Variants in F8 observed in about 807,000 individuals in gnomAD.
The protein encoded by F8 is coagulation factor VIII.
F8 carries 12 observed loss-of-function variants against 140.6 expected under a neutral mutation model. The ratio of observed to expected loss-of-function variants is 0.09; its 90% CI spans 0.05 to 0.14. The LOEUF (loss-of-function observed/expected upper bound fraction) is 0.14, where lower values mean the gene tolerates loss of function less well. F8 is among the 10% of genes least tolerant of loss of function. F8 has a pLI of 1.00. For synonymous variants in F8, 585 were observed against 614.6 expected (o/e 0.95, Z 0.71); for missense variants, 1,354 against 1,720.7 (o/e 0.79, Z 3.77).
chrX:154,926,814 G>A (rs1649428250), intron 14 of F8, among the ~76,000 whole-genome samples: 1 of 111,883 alleles, frequency 8.9e-6, no homozygotes. Flanking sequence ...AGAGATCTGA[G>A]AATATCTCCA....
At chrX:154,932,464 T>C (rs1390952038) in intron 13 of F8, among the ~76,000 whole-genome samples, 4 of 111,894 alleles carry the variant, frequency 3.6e-5, no homozygotes, top group Non-Finnish European at 7.5e-5. Flanking sequence ...AAGCTACCCG[T>C]TGGGTACCTC....
intron 13 of F8, among the ~76,000 whole-genome samples, chrX:154,942,436 C>G (rs868980566): frequency 4.9e-4 from 53 of 108,784 alleles, no homozygotes; most frequent in South Asian, 8.0e-4. Context: ...ATAAATTCCT[C>G]GACACATACA....
chrX:155,017,655 A>G (rs928377011), intron 1 of F8, among the ~76,000 whole-genome samples: 1 of 111,620 alleles, frequency 9.0e-6, no homozygotes, highest in South Asian at 3.8e-4. Flanking sequence ...TTATTTGTCA[A>G]TTATACCACA....
At chrX:154,945,058 T>C (rs1207933005) in intron 13 of F8, among the ~76,000 whole-genome samples, 2 of 110,213 alleles carry the variant, frequency 1.8e-5, no homozygotes, top group African/African-American at 6.6e-5. Context: ...TTAGGCGATA[T>C]ACCTAATGCT....
chrX:155,015,116 T>C (rs1308035439), intron 1 of F8, among the ~76,000 whole-genome samples: 1 of 112,271 alleles, frequency 8.9e-6, no homozygotes. Flanking sequence ...CAGATTTGCC[T>C]ATATACAGTC....
chrX:154,837,568 G>A lies in F8; in HGVS notation c.*29C>T, dbSNP rs5986887. Reference sequence around the variant, plus strand: ...CTGGAGCTGAGGAGGGAGAGGTGACGGCAGTGGCAGGTGCTGCAGTGGCCA... The same window carrying A: ...CTGGAGCTGAGGAGGGAGAGGTGACAGCAGTGGCAGGTGCTGCAGTGGCCA... On this transcript the variant is annotated 3_prime_UTR_variant, in exon 26 of 26. Transcript: ENST00000360256. 2,780 of 1,179,639 alleles carry A rather than the reference G, an allele frequency of 2.4e-3. 36 individuals carry two copies. The African/African-American group carries it at 0.045, about 19-fold the overall frequency.
intron 14 of F8, among the ~76,000 whole-genome samples, chrX:154,926,471 G>T (rs1298836439): frequency 8.9e-6 from 1 of 111,830 alleles, no homozygotes; most frequent in African/African-American, 3.3e-5. Flanking sequence ...CGTCTCCCCA[G>T]TTCAAGCGAT....
At chrX:154,875,660 C>G (rs28409705) in intron 22 of F8, among the ~76,000 whole-genome samples, 1,372 of 110,990 alleles carry the variant, frequency 0.012, 23 homozygotes, top group African/African-American at 0.043. Flanking sequence ...GCAGAGGACA[C>G]AGTCAGCTGT....
intron 25 of F8, among the ~76,000 whole-genome samples, chrX:154,853,815 T>C (rs2072632736): frequency 8.9e-6 from 1 of 111,980 alleles, no homozygotes; most frequent in Non-Finnish European, 1.9e-5. Context: ...TATTTTAAAA[T>C]AGAAGTTTGT....
chrX:154,957,367 T>G (rs1265769449), intron 10 of F8, among the ~76,000 whole-genome samples, 196 bp from the exon 11 acceptor site: 1 of 111,805 alleles, frequency 8.9e-6, no homozygotes, highest in African/African-American at 3.3e-5. Context: ...TGTAATTGAT[T>G]ATCCGGTTGA....
chrX:154,945,076 G>A (rs1235526707), intron 13 of F8, among the ~76,000 whole-genome samples: 1 of 110,095 alleles, frequency 9.1e-6, no homozygotes, highest in African/African-American at 3.3e-5. Flanking sequence ...GCTAAATGAC[G>A]AGTTAATGGG....
intron 1 of F8, among the ~76,000 whole-genome samples, chrX:155,003,427 G>GAA (rs781990590): frequency 1.4e-4 from 12 of 87,140 alleles, no homozygotes; most frequent in African/African-American, 4.2e-4. Context: ...AAAAAAGACT[G>GAA]AAAAAAAAAA....
chrX:154,905,704 T>A (rs2073034825), intron 15 of F8, among the ~76,000 whole-genome samples: 1 of 111,535 alleles, frequency 9.0e-6, no homozygotes, highest in Non-Finnish European at 1.9e-5. Flanking sequence ...TTTTAAAAAA[T>A]CTCTGGATAG....
chrX:155,003,271 G>T (rs2073657474), intron 1 of F8, among the ~76,000 whole-genome samples: 1 of 111,510 alleles, frequency 9.0e-6, no homozygotes, highest in African/African-American at 3.3e-5. Context: ...GAATAAAAAA[G>T]AAATGCTAGA....
At chrX:154,912,116 T>C (rs1409068971) in intron 14 of F8, among the ~76,000 whole-genome samples, 1 of 112,385 alleles carries the variant, frequency 8.9e-6, no homozygotes, top group African/African-American at 3.2e-5. Context: ...CTCAGTTGTA[T>C]AGTTTGCAAA....
intron 22 of F8, among the ~76,000 whole-genome samples, chrX:154,877,826 T>C (rs1183633263): frequency 1.8e-5 from 2 of 112,220 alleles, no homozygotes; most frequent in African/African-American, 6.5e-5. Flanking sequence ...ACTAATACCC[T>C]GTATACATTG....
Position 154,866,908 on chromosome X carries a change from C to A in F8, c.6430-3681G>T, listed in dbSNP as rs187974956. Among the ~76,000 whole-genome samples, 4 of 110,110 alleles carry A rather than the reference C, an allele frequency of 3.6e-5. No individual in the cohort carries two copies. The East Asian group carries it at 1.1e-3, about 31-fold the overall frequency. ...AAACAATTGGAAATAACTGACAAAACTAAGAGTTGATTTTTTTGAAAAAAT... is the reference window on the plus strand; with the variant it reads ...AAACAATTGGAAATAACTGACAAAAATAAGAGTTGATTTTTTTGAAAAAAT... On this transcript the variant is annotated intron_variant, in intron 22 of 25. Transcript: ENST00000360256.
chrX:154,993,200 A>G, intron 3 of F8, 52 bp from the exon 4 acceptor site: 2 of 1,018,444 alleles, frequency 2.0e-6, no homozygotes, highest in Non-Finnish European at 2.8e-6. Flanking sequence ...GTACACTCAA[A>G]GAAACATGTC....
chrX:154,859,169 CAG>C (rs1189923367), intron 25 of F8, among the ~76,000 whole-genome samples: 2 of 111,095 alleles, frequency 1.8e-5, no homozygotes, highest in Non-Finnish European at 3.8e-5. Context: ...TCCAGAGAGA[CAG>C]AGAGAGAGAG....
Sources: allele counts gnomAD v4.1 joint callset (sites outside exome capture counted in the v4.1 genomes callset), GRCh38; gene constraint gnomAD v4.1.1; transcripts MANE v1.5; gene names NCBI Gene and HGNC (gene_info 2026-07-23, HGNC 2026-07-21).